PACRGL: variants seen among roughly 807,000 people sequenced by gnomAD.
The protein encoded by PACRGL is parkin coregulated like, also known as PACRG-like protein.
In PACRGL, 38 loss-of-function variants were observed where a neutral mutation model predicts 34.5. The ratio of observed to expected loss-of-function variants is 1.10; its 90% CI spans 0.85 to 1.44. The LOEUF is 1.44. PACRGL is among the 40% of genes most tolerant of loss of function. The probability of loss-of-function intolerance (pLI) is 0.00; values close to 1 mark genes in which losing one functional copy is unlikely to be tolerated. For synonymous variants in PACRGL, 128 were observed against 100.1 expected, an observed-to-expected ratio of 1.28 and a Z score of -1.66; for missense variants, 305 against 281.4, an observed-to-expected ratio of 1.08 and a Z score of -0.60.
rs933323682 is a variant in PACRGL, at chr4:20,731,844, G to A, written c.*4503G>A. ...ACTCTAAATGTTGATTATGTAATTG[G>A]TGCTTGTTTTCAGAGTGGTAGGCTT... On this transcript the variant is annotated 3_prime_UTR_variant, in exon 9 of 9. Coordinates refer to ENST00000503585, the MANE Select transcript of PACRGL (RefSeq NM_001258345.3). 1.9e-5 allele frequency: 19 copies of A among 985,376 alleles called. No individual in the cohort carries two copies. The highest frequency in any genetic ancestry group is 4.7e-5 in the South Asian group (1 of 21,290). The allele number at this position is 985,376 out of a possible 1,614,324, so 61.0% of individuals were successfully genotyped here.
rs1427610878 is a variant in PACRGL, at chr4:20,713,477, G to T, written c.547G>T (p.Val183Phe). ...GTTTGAAAGAGGATTGAATGCTCTA[G>T]TTCAGCTAAGTGTCGTTGTTGGTCC... ...EVFERGLNAL[V>F]QLSVVVGPSL... Residue 183 changes from valine (V) to phenylalanine (F), a missense_variant, in exon 7 of 9, where the codon GTT (valine) becomes TTT (phenylalanine). By Grantham distance (50) the Val-to-Phe change is conservative. Coordinates refer to ENST00000503585, the MANE Select transcript of PACRGL (RefSeq NM_001258345.3). 1.2e-6 allele frequency: 2 copies of T among 1,613,722 alleles called. No homozygotes were observed. Among genetic ancestry groups the T allele is most frequent in the East Asian group, 4.5e-5 (2 of 44,850 alleles).
chr4:20,740,583 A>C (rs1750826146), intron 8 of PACRGL, among the ~76,000 whole-genome samples: 1 of 152,206 alleles, frequency 6.6e-6, no homozygotes, highest in African/African-American at 2.4e-5. Context: ...AGCACTAAAC[A>C]TAGAAAGGAA....
chr4:20,699,918 G>T (rs1051881162), upstream of PACRGL, among the ~76,000 whole-genome samples: 2 of 152,140 alleles, frequency 1.3e-5, no homozygotes, highest in African/African-American at 4.8e-5. Flanking sequence ...GATATACTGT[G>T]AAGAATGCAA....
intron 7 of PACRGL, chr4:20,716,371 T>G: frequency 8.6e-6 from 5 of 583,924 alleles, no homozygotes; most frequent in Non-Finnish European, 1.5e-5. Flanking sequence ...AATTATACTT[T>G]AAGTTCTAGG....
intron 7 of PACRGL, among the ~76,000 whole-genome samples, chr4:20,722,134 A>G (rs1032311226): frequency 5.3e-5 from 8 of 152,230 alleles, no homozygotes; most frequent in African/African-American, 1.9e-4. Context: ...CAGGCACAGG[A>G]TATAATCTCC....
In PACRGL at chr4:20,724,791, T is replaced by C. The variant is rs755605524; in HGVS notation, c.610-17T>C. ...AGTTTAAAGTCATTTCGTTTCCCCCTAATCTTACTTTAAAAGCTTTCCAAG... is the reference window on the plus strand; with the variant it reads ...AGTTTAAAGTCATTTCGTTTCCCCCCAATCTTACTTTAAAAGCTTTCCAAG... On this transcript the variant is annotated splice_polypyrimidine_tract_variant and intron_variant, in intron 7 of 8. Coordinates refer to ENST00000503585, the MANE Select transcript of PACRGL (RefSeq NM_001258345.3). The C allele has an allele frequency of 2.1e-6, 3 of 1,425,940 alleles. No homozygotes were observed. The South Asian group carries it at 4.3e-5, about 20-fold the overall frequency. The allele number at this position is 1,425,940 out of a possible 1,614,324, so 88.3% of individuals were successfully genotyped here.
At chr4:20,750,980 A>C (rs1411896069) in intron 8 of PACRGL, among the ~76,000 whole-genome samples, 1 of 152,150 alleles carries the variant, frequency 6.6e-6, no homozygotes, top group Non-Finnish European at 1.5e-5. Context: ...GGAGTACAGA[A>C]TTGCCCTCTG....
At chr4:20,763,334 A>G in the PACRGL span, among the ~76,000 whole-genome samples, 143 of 152,296 alleles carry the variant, frequency 9.4e-4, no homozygotes, top group African/African-American at 3.2e-3. Flanking sequence ...TCTTATTCAC[A>G]TAACAATCTT....
At chr4:20,705,495 A>G (rs1734103187) in intron 3 of PACRGL, among the ~76,000 whole-genome samples, 1 of 152,102 alleles carries the variant, frequency 6.6e-6, no homozygotes. Context: ...CCAAGACAGA[A>G]GGAGTGTCCG....
At chr4:20,747,670 C>T (rs975196942) in intron 8 of PACRGL, among the ~76,000 whole-genome samples, 1 of 152,076 alleles carries the variant, frequency 6.6e-6, no homozygotes, top group African/African-American at 2.4e-5. Flanking sequence ...TTATTTTTCT[C>T]TTCTCAGTGC....
rs991735633 is a variant in PACRGL at position 20,708,842 on chromosome 4, C to T, written c.276-841C>T. 3.3e-4 allele frequency among the ~76,000 whole-genome samples: 50 copies of T among 151,884 alleles called. 1 individual carries two copies. Among genetic ancestry groups the T allele is most frequent in the Admixed American group, 2.8e-3 (43 of 15,242 alleles). On this transcript the variant is annotated intron_variant, in intron 4 of 8. Coordinates refer to ENST00000503585, the MANE Select transcript of PACRGL (RefSeq NM_001258345.3). The stretch of plus-strand genomic sequence containing the variant: ...TACTGTAAATACATGCAGTTTATTG[C>T]GTGTTAGTTATTCCTCAGTAAAGGC...
chr4:20,733,907 C>A (rs1287098575), downstream of PACRGL, among the ~76,000 whole-genome samples: 1 of 152,098 alleles, frequency 6.6e-6, no homozygotes, highest in South Asian at 2.1e-4. Flanking sequence ...TCTCCAGTAG[C>A]GCAAGTTCAT....
At chr4:20,712,130 C>A (rs1009579285) in intron 5 of PACRGL, among the ~76,000 whole-genome samples, 3 of 151,872 alleles carry the variant, frequency 2.0e-5, no homozygotes, top group Non-Finnish European at 2.9e-5. Context: ...TCTATAGTTT[C>A]ATTTACCTTT....
chr4:20,735,493 A>G (rs1371596909), downstream of PACRGL, among the ~76,000 whole-genome samples: 1 of 149,438 alleles, frequency 6.7e-6, no homozygotes, highest in Non-Finnish European at 1.5e-5. Flanking sequence ...GACTGGCCAG[A>G]TTAACTTGAT....
intron 7 of PACRGL, among the ~76,000 whole-genome samples, chr4:20,719,612 T>C (rs1364656397): frequency 2.6e-5 from 4 of 152,244 alleles, no homozygotes; most frequent in Admixed American, 2.0e-4. Flanking sequence ...CGGAGCAGGT[T>C]GTTCAGTTTC....
chr4:20,722,419 C>T (rs375797750), intron 7 of PACRGL, among the ~76,000 whole-genome samples: 161 of 152,338 alleles, frequency 1.1e-3, no homozygotes, highest in African/African-American at 3.4e-3. Flanking sequence ...GCGTCACTCA[C>T]GCTGGGAGCT....
chr4:20,736,349 A>G (rs1192954755), downstream of PACRGL, among the ~76,000 whole-genome samples: 1 of 151,934 alleles, frequency 6.6e-6, no homozygotes, highest in African/African-American at 2.4e-5. Flanking sequence ...TTTTCTCATC[A>G]TTATTTCTAG....
At position 20,730,062 on chromosome 4, in the gene PACRGL, T is replaced by C; in HGVS notation, c.*2721T>C. The C allele has an allele frequency of 6.2e-7, 1 of 1,604,458 alleles. No homozygotes were observed. The highest frequency in any genetic ancestry group is 8.5e-7 in the Non-Finnish European group (1 of 1,176,722). The stretch of plus-strand genomic sequence containing the variant: ...GAATAGTTCACATTTGTCTGTTGGA[T>C]TCAGGATCTATTTGACAAGTTAAAT... On this transcript the variant is annotated 3_prime_UTR_variant, in exon 9 of 9. Coordinates refer to ENST00000503585, the MANE Select transcript of PACRGL (RefSeq NM_001258345.3).
intron 1 of PACRGL, among the ~76,000 whole-genome samples, chr4:20,704,225 G>GA (rs1034446785): frequency 1.3e-5 from 2 of 152,036 alleles, no homozygotes; most frequent in East Asian, 1.9e-4. Context: ...AATTTGAATG[G>GA]AAAAAAAGTT....
Sources: allele counts gnomAD v4.1 joint callset (sites outside exome capture counted in the v4.1 genomes callset), GRCh38; gene constraint gnomAD v4.1.1; transcripts MANE v1.5; gene names NCBI Gene and HGNC (gene_info 2026-07-23, HGNC 2026-07-21).